Variants in EDIL3 observed in about 807,000 individuals in gnomAD.
EDIL3 encodes the protein EGF-like repeat and discoidin I-like domain-containing protein 3.
EDIL3 carries 37 observed loss-of-function variants against 67.4 expected under a neutral mutation model. That is an observed-to-expected ratio of 0.55 (90% confidence interval 0.42 to 0.72). The LOEUF is 0.72. Among genes scored for constraint, EDIL3 ranks in the 30% least tolerant of loss-of-function variants. The probability of loss-of-function intolerance (pLI) is 0.00; values close to 1 mark genes in which losing one functional copy is unlikely to be tolerated. For synonymous variants in EDIL3, 195 were observed against 196.3 expected (o/e 0.99, Z 0.05); for missense variants, 527 against 586.3 (o/e 0.90, Z 1.04).
chr5:83,956,026 A>C (rs1205593694), intron 10 of EDIL3, among the ~76,000 whole-genome samples: 1 of 151,790 alleles, frequency 6.6e-6, no homozygotes, highest in Non-Finnish European at 1.5e-5. Context: ...AAAATCACTG[A>C]GCTCCTTCAG....
At chr5:84,350,153 G>A (rs1452612904) in intron 1 of EDIL3, among the ~76,000 whole-genome samples, 2 of 152,044 alleles carry the variant, frequency 1.3e-5, no homozygotes, top group African/African-American at 2.4e-5. Flanking sequence ...TCAATATTAT[G>A]CTTTACATTT....
intron 1 of EDIL3, among the ~76,000 whole-genome samples, chr5:84,374,087 A>G (rs1747914787): frequency 6.6e-6 from 1 of 152,182 alleles, no homozygotes; most frequent in African/African-American, 2.4e-5. Context: ...CAAAGGGGAA[A>G]GAAAGTGTTA....
intron 1 of EDIL3, among the ~76,000 whole-genome samples, chr5:84,290,592 A>G (rs1034943344): frequency 1.3e-5 from 2 of 152,178 alleles, no homozygotes; most frequent in East Asian, 3.9e-4. Flanking sequence ...TATTTTTCTT[A>G]CCAGAGATGG....
At chr5:84,141,555 T>C (rs1449453694) in intron 4 of EDIL3, among the ~76,000 whole-genome samples, 1 of 147,864 alleles carries the variant, frequency 6.8e-6, no homozygotes, top group Non-Finnish European at 1.5e-5. Flanking sequence ...GTTTTGATTT[T>C]TTGGTGGAAG....
At chr5:84,272,485 T>C (rs550155594) in intron 1 of EDIL3, among the ~76,000 whole-genome samples, 3 of 152,318 alleles carry the variant, frequency 2.0e-5, no homozygotes, top group African/African-American at 7.2e-5. Flanking sequence ...ATTTCCTATG[T>C]ACCAGGAAGC....
chr5:84,031,754 C>T (rs1728229034), intron 9 of EDIL3, among the ~76,000 whole-genome samples: 1 of 152,104 alleles, frequency 6.6e-6, no homozygotes. Flanking sequence ...TTTAAGTCAC[C>T]CAGTCTGTAG....
At chr5:83,997,436 C>T (rs1212956608) in intron 9 of EDIL3, among the ~76,000 whole-genome samples, 1 of 152,024 alleles carries the variant, frequency 6.6e-6, no homozygotes, top group Admixed American at 6.6e-5. Context: ...GAGGGTTTGG[C>T]AGTGAAAAGA....
intron 4 of EDIL3, among the ~76,000 whole-genome samples, chr5:84,169,365 C>G (rs1192119761): frequency 6.6e-6 from 1 of 151,984 alleles, no homozygotes; most frequent in South Asian, 2.1e-4. Flanking sequence ...ATTGACATTA[C>G]TATGATAGTC....
At chr5:84,107,301 A>C (rs1291118725) in intron 5 of EDIL3, among the ~76,000 whole-genome samples, 1 of 152,014 alleles carries the variant, frequency 6.6e-6, no homozygotes, top group Admixed American at 6.6e-5. Flanking sequence ...CACTACTATA[A>C]ACTTTATAAC....
intron 9 of EDIL3, among the ~76,000 whole-genome samples, chr5:84,022,851 A>G (rs988736092): frequency 6.6e-6 from 1 of 152,058 alleles, no homozygotes; most frequent in East Asian, 1.9e-4. Flanking sequence ...AGCAGTGACT[A>G]TAGTTAGCAA....
chr5:84,180,701 A>G (rs544676548), intron 3 of EDIL3, among the ~76,000 whole-genome samples, 180 bp from the exon 4 acceptor site: 1 of 152,332 alleles, frequency 6.6e-6, no homozygotes, highest in East Asian at 1.9e-4. Context: ...TGGTTTCACC[A>G]CTTCACAGGC....
chr5:84,288,343 C>T (rs1745851241), intron 1 of EDIL3, among the ~76,000 whole-genome samples: 1 of 152,164 alleles, frequency 6.6e-6, no homozygotes, highest in East Asian at 1.9e-4. Flanking sequence ...ACTGCAATAA[C>T]CTCATTTCTT....
At chr5:84,052,186 A>C (rs1245879388) in intron 9 of EDIL3, among the ~76,000 whole-genome samples, 1 of 152,202 alleles carries the variant, frequency 6.6e-6, no homozygotes, top group African/African-American at 2.4e-5. Flanking sequence ...TTTTCAACCC[A>C]GAATTTCATA....
rs544833924 is a variant in EDIL3, at chr5:84,241,614, G to A, written c.197-11730C>T. The stretch of plus-strand genomic sequence containing the variant: ...TGATTTGTCAAATTATATGTTGAAG[G>A]AAATAAATTTTTTGAAAAATTAAAA... On this transcript the variant is annotated intron_variant, in intron 2 of 10. Transcript: ENST00000296591. Among the ~76,000 whole-genome samples the A allele has an allele frequency of 2.3e-4, 35 of 150,638 alleles. 2 individuals are homozygous for A. The highest frequency in any genetic ancestry group is 2.0e-3 in the Admixed American group (30 of 15,130).
In EDIL3 at chr5:84,064,763, A is replaced by G; in HGVS notation, c.889T>C (p.Tyr297His). The G allele has an allele frequency of 1.2e-6, 2 of 1,613,930 alleles. No homozygotes were observed. Among genetic ancestry groups the G allele is most frequent in the Non-Finnish European group, 1.7e-6 (2 of 1,179,832 alleles). ...CAATGTCTTCGACAAACTTGGGGAT[A>G]GAGTCTTACATACTGAGCTTTTATG... ...PPIKAQYVRL[Y>H]PQVCRRHCTL... The change falls in exon 8 of 11, where the codon TAT becomes CAT. Residue 297 changes from tyrosine (Y) to histidine (H), a missense_variant. Tyr to His is a moderately conservative substitution (Grantham distance 83). Coordinates refer to ENST00000296591, the MANE Select transcript of EDIL3 (RefSeq NM_005711.5).
chr5:84,037,752 A>G (rs999043655), intron 9 of EDIL3, among the ~76,000 whole-genome samples: 2 of 152,092 alleles, frequency 1.3e-5, no homozygotes, highest in African/African-American at 4.8e-5. Flanking sequence ...CTGTAATTCC[A>G]TGGTTATGTT....
At chr5:84,156,615 T>C (rs1748495852) in intron 4 of EDIL3, among the ~76,000 whole-genome samples, 1 of 152,218 alleles carries the variant, frequency 6.6e-6, no homozygotes, top group African/African-American at 2.4e-5. Context: ...TTTGCTATCT[T>C]AAAAGGCTAA....
At chr5:83,998,717 G>A (rs1205236294) in intron 9 of EDIL3, among the ~76,000 whole-genome samples, 1 of 152,202 alleles carries the variant, frequency 6.6e-6, no homozygotes, top group Non-Finnish European at 1.5e-5. Context: ...CTGCCATGAA[G>A]GGAAAGACAC....
chr5:84,086,171 T>A (rs970393637), intron 6 of EDIL3, among the ~76,000 whole-genome samples: 1 of 152,080 alleles, frequency 6.6e-6, no homozygotes, highest in Admixed American at 6.6e-5. Context: ...GAGTGGCCGG[T>A]TCTTCTGTCT....
Sources: gnomAD v4.1 joint callset for allele counts (sites outside exome capture counted in the v4.1 genomes callset) on GRCh38, gnomAD v4.1.1 for gene constraint, MANE v1.5 for transcripts, NCBI Gene and HGNC (gene_info 2026-07-23, HGNC 2026-07-21) for gene names.